The following MICAL2 variants were observed in gnomAD, a reference collection of about 807,000 sequenced individuals.
MICAL2 encodes the protein microtubule associated monooxygenase, calponin and LIM domain containing 2.
A neutral mutation model predicts 127.3 loss-of-function variants in MICAL2; 77 were observed. The observed-to-expected ratio is 0.60, with a 90% CI of 0.50 to 0.73. The LOEUF (loss-of-function observed/expected upper bound fraction) is 0.73, where lower values mean the gene tolerates loss of function less well. MICAL2 is among the 30% of genes least tolerant of loss of function. MICAL2 has a pLI of 0.00. For synonymous variants in MICAL2, 570 were observed against 551.1 expected (o/e 1.03, Z -0.48); for missense variants, 1,351 against 1,434.4 (o/e 0.94, Z 0.94).
chr11:12,240,065 G>A (rs894124409), intron 17 of MICAL2, among the ~76,000 whole-genome samples: 1 of 152,254 alleles, frequency 6.6e-6, no homozygotes, highest in Non-Finnish European at 1.5e-5. Flanking sequence ...AGTCCACAGT[G>A]AGAAGATCCA....
At chr11:12,348,153 CA>C (rs57602704) in intron 32 of MICAL2, among the ~76,000 whole-genome samples, 255 of 79,138 alleles carry the variant, frequency 3.2e-3, no homozygotes, top group Middle Eastern at 9.6e-3. Flanking sequence ...GACTCTGTCT[CA>C]AAAAAAAAAA....
At chr11:12,240,946 C>T (rs1859838443) in intron 17 of MICAL2, 94 bp from the exon 18 acceptor site, 7 of 1,487,002 alleles carry the variant, frequency 4.7e-6, no homozygotes, top group Middle Eastern at 1.8e-4. Flanking sequence ...CTCCCTGCTC[C>T]TCTTCTCTTC....
At chr11:12,183,614 C>T (rs1267077274) in intron 3 of MICAL2, among the ~76,000 whole-genome samples, 1 of 152,158 alleles carries the variant, frequency 6.6e-6, no homozygotes, top group African/African-American at 2.4e-5. Flanking sequence ...ACTCTTGCTT[C>T]AGGACATAGG....
chr11:12,273,305 A>G (rs543930432), upstream of MICAL2, among the ~76,000 whole-genome samples: 35 of 152,336 alleles, frequency 2.3e-4, no homozygotes, highest in African/African-American at 6.7e-4. Flanking sequence ...AATTATTGGT[A>G]TATATTGAGC....
At chr11:12,183,208 T>C (rs988324782) in intron 3 of MICAL2, among the ~76,000 whole-genome samples, 13 of 152,184 alleles carry the variant, frequency 8.5e-5, no homozygotes, top group African/African-American at 2.9e-4. Context: ...CAGAAAAGTT[T>C]TGTGGTCACT....
Position 12,208,086 on chromosome 11 carries a change from T to G in MICAL2, c.536T>G (p.Val179Gly), listed in dbSNP as rs374310216. ...CTGATGCTGGGAGTTGAAATCCATG[T>G]GAATGTGGAGTTCGTGAAGGTTCTA... ...VALMLGVEIH[V>G]NVEFVKVLEP... The change falls in exon 5 of 28, where the codon GTG becomes GGG. Residue 179 changes from valine (V) to glycine (G), a missense_variant. Val to Gly is a moderately radical substitution (Grantham distance 109). Coordinates refer to ENST00000683283, the MANE Select transcript of MICAL2 (RefSeq NM_001282663.2). The G allele has an allele frequency of 2.8e-5, 46 of 1,614,118 alleles. No homozygotes were observed. Among genetic ancestry groups the G allele is most frequent in the Non-Finnish European group, 3.5e-5 (41 of 1,180,042 alleles).
At chr11:12,332,526 A>G (rs1236168592) in intron 32 of MICAL2, among the ~76,000 whole-genome samples, 1 of 152,238 alleles carries the variant, frequency 6.6e-6, no homozygotes, top group African/African-American at 2.4e-5. Context: ...GTTGTTTGCC[A>G]CAACTATGTA....
chr11:12,188,381 G>A (rs1220736046), intron 3 of MICAL2, among the ~76,000 whole-genome samples: 1 of 152,170 alleles, frequency 6.6e-6, no homozygotes, highest in African/African-American at 2.4e-5. Context: ...ACTGGTGGCT[G>A]TTTTGCCTTC....
At chr11:12,229,673 G>C (rs1406190916) in intron 15 of MICAL2, among the ~76,000 whole-genome samples, 2 of 152,236 alleles carry the variant, frequency 1.3e-5, no homozygotes, top group Non-Finnish European at 2.9e-5. Flanking sequence ...GCACTGGCTT[G>C]GGAGCTGGGG....
chr11:12,143,888 T>G (rs1273044340), intron 2 of MICAL2, among the ~76,000 whole-genome samples: 1 of 152,150 alleles, frequency 6.6e-6, no homozygotes, highest in East Asian at 1.9e-4. Flanking sequence ...TGAGCCAGAA[T>G]TTTTAAAAAT....
At chr11:12,201,586 C>A (rs1767202502) in intron 3 of MICAL2, among the ~76,000 whole-genome samples, 1 of 151,936 alleles carries the variant, frequency 6.6e-6, no homozygotes, top group South Asian at 2.1e-4. Flanking sequence ...CAGAGTATTG[C>A]CATTTTGCTC....
intron 29 of MICAL2, among the ~76,000 whole-genome samples, chr11:12,314,627 C>T (rs990593343): frequency 8.1e-5 from 12 of 148,610 alleles, no homozygotes; most frequent in Admixed American, 2.0e-4. Flanking sequence ...TACAGGCGCC[C>T]GCCACCATGC....
intron 2 of MICAL2, among the ~76,000 whole-genome samples, chr11:12,160,652 CT>C (rs1006200840): frequency 1.2e-4 from 18 of 152,134 alleles, no homozygotes; most frequent in African/African-American, 4.3e-4. Flanking sequence ...TTGAAGCTTT[CT>C]TGAGATTTCT....
At chr11:12,155,131 T>C (rs1325867596) in intron 2 of MICAL2, among the ~76,000 whole-genome samples, 1 of 152,228 alleles carries the variant, frequency 6.6e-6, no homozygotes, top group African/African-American at 2.4e-5. Flanking sequence ...GGTATCCTCA[T>C]GCCTAGGCCA....
chr11:12,300,359 C>T (rs1864033680), intron 29 of MICAL2, among the ~76,000 whole-genome samples: 2 of 152,250 alleles, frequency 1.3e-5, no homozygotes, highest in East Asian at 3.9e-4. Flanking sequence ...TTCATTTCAT[C>T]CCATGATTAA....
At chr11:12,231,119 C>A (rs534472310) in intron 15 of MICAL2, among the ~76,000 whole-genome samples, 1 of 152,314 alleles carries the variant, frequency 6.6e-6, no homozygotes, top group Non-Finnish European at 1.5e-5. Flanking sequence ...AGACATACAC[C>A]CTCAGACTCA....
chr11:12,271,558 A>G (rs1307080786), upstream of MICAL2, among the ~76,000 whole-genome samples: 1 of 152,154 alleles, frequency 6.6e-6, no homozygotes, highest in Non-Finnish European at 1.5e-5. Context: ...TCCTGTGAGG[A>G]TGCTAATACC....
intron 2 of MICAL2, among the ~76,000 whole-genome samples, chr11:12,151,867 C>T (rs993917200): frequency 2.8e-4 from 43 of 152,182 alleles, no homozygotes; most frequent in African/African-American, 9.9e-4. Flanking sequence ...ATCTCCACAA[C>T]ACCCACCAAG....
chr11:12,327,673 T>C (rs905500057), intron 32 of MICAL2, among the ~76,000 whole-genome samples: 4 of 151,360 alleles, frequency 2.6e-5, no homozygotes, highest in African/African-American at 9.7e-5. Flanking sequence ...GTCCTGGTTT[T>C]TCCTTTACTA....
Sources: allele counts gnomAD v4.1 joint callset (sites outside exome capture counted in the v4.1 genomes callset), GRCh38; gene constraint gnomAD v4.1.1; transcripts MANE v1.5; gene names NCBI Gene and HGNC (gene_info 2026-07-23, HGNC 2026-07-21).